QKI: variants seen among roughly 807,000 people sequenced by gnomAD.
QKI encodes the protein QKI, KH domain containing RNA binding, also known as KH domain-containing RNA-binding protein QKI.
Under a neutral mutation model 39.0 loss-of-function variants are expected in QKI, and 10 were observed. That is an observed-to-expected ratio of 0.26 (90% CI 0.16 to 0.43). The LOEUF (loss-of-function observed/expected upper bound fraction) is 0.43. Among genes scored for constraint, QKI ranks in the 20% least tolerant of loss-of-function variants. The probability of loss-of-function intolerance (pLI) is 1.00; values close to 1 mark genes in which losing one functional copy is unlikely to be tolerated. For missense variants in QKI, 218 were observed against 428.0 expected (o/e 0.51, Z 4.33); for synonymous variants, 204 against 155.4 (o/e 1.31, Z -2.33).
chr6:163,570,351 A>G (rs1783627389), intron 7 of QKI: 1 of 983,236 alleles, frequency 1.0e-6, no homozygotes, highest in Admixed American at 6.2e-5. Flanking sequence ...TGTATACCAA[A>G]CCTATTCATT....
intron 3 of QKI, among the ~76,000 whole-genome samples, chr6:163,507,297 T>C (rs1562496483): frequency 2.0e-5 from 3 of 152,214 alleles, no homozygotes. Context: ...TGAGGGTTTC[T>C]GTTTCCGGTA....
chr6:163,439,344 T>A (rs1371068102), intron 1 of QKI, among the ~76,000 whole-genome samples: 1 of 148,670 alleles, frequency 6.7e-6, no homozygotes, highest in African/African-American at 2.5e-5. Flanking sequence ...TTTTTTGTTT[T>A]TTTTTTTTTT....
chr6:163,543,259 C>A (rs938489766), intron 4 of QKI, among the ~76,000 whole-genome samples: 2 of 152,076 alleles, frequency 1.3e-5, no homozygotes, highest in South Asian at 4.2e-4. Flanking sequence ...TGTTGGCCTC[C>A]TTTTCATTTT....
At chr6:163,562,513 CTAG>C (rs1343029693) in intron 5 of QKI, among the ~76,000 whole-genome samples, 1 of 152,128 alleles carries the variant, frequency 6.6e-6, no homozygotes, top group Non-Finnish European at 1.5e-5. Flanking sequence ...TGTTTTCCCT[CTAG>C]TATTTTTCCC....
chr6:163,419,556 C>G (rs1454570005), intron 1 of QKI, among the ~76,000 whole-genome samples: 2 of 152,148 alleles, frequency 1.3e-5, no homozygotes, highest in Admixed American at 6.5e-5. Flanking sequence ...AAGGAAGCTA[C>G]TATTTATAAT....
chr6:163,554,804 C>G (rs1204737960), intron 4 of QKI, among the ~76,000 whole-genome samples: 2 of 152,230 alleles, frequency 1.3e-5, no homozygotes, highest in Non-Finnish European at 2.9e-5. Flanking sequence ...ACCTCTACCC[C>G]AGTCCAGTTC....
At chr6:163,482,949 G>A (rs557728368) in intron 3 of QKI, among the ~76,000 whole-genome samples, 13 of 152,250 alleles carry the variant, frequency 8.5e-5, no homozygotes, top group African/African-American at 3.1e-4. Flanking sequence ...TACTTGGTTA[G>A]GGTTTCTCTG....
chr6:163,496,523 A>G lies in QKI; in HGVS notation c.402+17627A>G, dbSNP rs116419356. On this transcript the variant is annotated intron_variant, in intron 3 of 7. Transcript: ENST00000361752. The stretch of plus-strand genomic sequence containing the variant: ...GTAGTCTTCTGATTTCCTTATTTCC[A>G]TTCTTCCGCCCTTTTCTCTTTTCAG... Among the ~76,000 whole-genome samples, 437 of 152,110 alleles carry G rather than the reference A, an allele frequency of 2.9e-3. 2 individuals carry two copies. Among genetic ancestry groups the G allele is most frequent in the African/African-American group, 9.7e-3 (403 of 41,488 alleles).
rs199723496 is a variant in QKI at position 163,415,359 on chromosome 6, C to A, written c.142+24C>A. On this transcript the variant is annotated intron_variant, in intron 1 of 7. Coordinates refer to ENST00000361752, the MANE Select transcript of QKI (RefSeq NM_006775.3). ...AGGTGAGCGTCTCCAGGGCCCCGGC[C>A]CCGGCCCGACCCCCGCCGGGGCGGC... The A allele has an allele frequency of 8.9e-4, 1,395 of 1,572,592 alleles. 10 individuals carry two copies. In the African/African-American group the frequency reaches 0.017, roughly 19 times the overall value.
At chr6:163,566,180 T>C in intron 6 of QKI, 2 of 1,360,438 alleles carry the variant, frequency 1.5e-6, no homozygotes, top group Non-Finnish European at 1.9e-6. Context: ...GAGTGTATAG[T>C]AGTATACTGA....
intron 3 of QKI, among the ~76,000 whole-genome samples, chr6:163,503,904 T>C (rs893594365): frequency 4.0e-5 from 6 of 151,878 alleles, no homozygotes; most frequent in African/African-American, 9.7e-5. Flanking sequence ...CACACCGGGC[T>C]AATTTTTTTT....
chr6:163,437,833 A>G (rs1468387852), intron 1 of QKI, among the ~76,000 whole-genome samples: 1 of 152,148 alleles, frequency 6.6e-6, no homozygotes, highest in Non-Finnish European at 1.5e-5. Context: ...TTTCCCTCAA[A>G]TTATTCATTT....
chr6:163,415,848 G>C, intron 1 of QKI: 1 of 491,008 alleles, frequency 2.0e-6, no homozygotes, highest in Admixed American at 2.1e-5. Flanking sequence ...GACTAAAGCG[G>C]GGTTTCGTGG....
chr6:163,478,845 C>A lies in QKI; in HGVS notation c.351C>A (p.Thr117=), dbSNP rs151172419. Residue 117 remains threonine, a synonymous_variant, in exon 3 of 8, where the codon ACC becomes ACA. Coordinates refer to ENST00000361752, the MANE Select transcript of QKI (RefSeq NM_006775.3). Reference sequence around the variant, plus strand: ...CAGCCAAACAACTTGAAGCAGAAACCGGATGTAAAATCATGGTCCGAGGCA... The same window carrying A: ...CAGCCAAACAACTTGAAGCAGAAACAGGATGTAAAATCATGGTCCGAGGCA... ...GLTAKQLEAE[T]GCKIMVRGKG... 6 of 1,612,100 alleles carry A rather than the reference C, an allele frequency of 3.7e-6. No individual in the cohort carries two copies. In the East Asian group the frequency reaches 6.7e-5, roughly 18 times the overall value.
intron 1 of QKI, among the ~76,000 whole-genome samples, chr6:163,448,706 C>T (rs1205735790): frequency 2.0e-5 from 3 of 152,060 alleles, no homozygotes; most frequent in Non-Finnish European, 4.4e-5. Context: ...CATTGCACTC[C>T]AGCCTTGGTG....
rs978624706 is a variant in QKI, at chr6:163,577,865, A to G, written c.*7155A>G. ...AAGTGCTTAAGTGAATGGAAGCACT[A>G]GACATTTGGATTTCCTTCCTAACGT... On this transcript the variant is annotated 3_prime_UTR_variant, in exon 8 of 8. Coordinates refer to ENST00000361752, the MANE Select transcript of QKI (RefSeq NM_006775.3). 3 of 152,224 alleles carry G rather than the reference A, an allele frequency of 2.0e-5. No individual in the cohort carries two copies. Among genetic ancestry groups the G allele is most frequent in the African/African-American group, 7.2e-5 (3 of 41,460 alleles). The allele number at this position is 152,224 out of a possible 1,614,324, so 9.4% of individuals were successfully genotyped here.
At chr6:163,463,338 G>T (rs1276292044) in intron 2 of QKI, among the ~76,000 whole-genome samples, 2 of 152,162 alleles carry the variant, frequency 1.3e-5, no homozygotes, top group Non-Finnish European at 2.9e-5. Context: ...GGTGGTAGTG[G>T]TAAGCACTGT....
At chr6:163,543,217 G>C (rs929396189) in intron 4 of QKI, among the ~76,000 whole-genome samples, 3 of 151,992 alleles carry the variant, frequency 2.0e-5, no homozygotes, top group African/African-American at 7.2e-5. Flanking sequence ...TTTAGTCCTT[G>C]ATCAAATATT....
At chr6:163,427,011 A>G (rs1050306357) in intron 1 of QKI, among the ~76,000 whole-genome samples, 1 of 152,156 alleles carries the variant, frequency 6.6e-6, no homozygotes, top group Non-Finnish European at 1.5e-5. Context: ...CTGGGGCACA[A>G]GGCTTCCCTT....
Sources: allele counts gnomAD v4.1 joint callset (sites outside exome capture counted in the v4.1 genomes callset), GRCh38; gene constraint gnomAD v4.1.1; transcripts MANE v1.5; gene names NCBI Gene and HGNC (gene_info 2026-07-23, HGNC 2026-07-21).